The following ASCC3 variants were observed in gnomAD, a reference collection of about 807,000 sequenced individuals.
ASCC3 encodes ASC-1 complex subunit P200.
A neutral mutation model predicts 256.3 loss-of-function variants in ASCC3; 158 were observed. The ratio of observed to expected loss-of-function variants is 0.62; its 90% confidence interval spans 0.54 to 0.70. The LOEUF (loss-of-function observed/expected upper bound fraction) is 0.70. Ranked by LOEUF, ASCC3 falls within the 30% of genes least tolerant of loss-of-function variation. The pLI is 0.00. For synonymous variants in ASCC3, 948 were observed against 883.4 expected (o/e 1.07, Z -1.30); for missense variants, 2,259 against 2,626.0 (o/e 0.86, Z 3.05).
intron 10 of ASCC3, among the ~76,000 whole-genome samples, chr6:100,738,072 T>C (rs1028535454): frequency 3.3e-5 from 5 of 152,226 alleles, no homozygotes; most frequent in Non-Finnish European, 7.3e-5. Flanking sequence ...AATAAGGTTT[T>C]TTTTCTTGTA....
chr6:100,869,945 T>G (rs968386190), intron 1 of ASCC3, among the ~76,000 whole-genome samples: 3 of 152,008 alleles, frequency 2.0e-5, no homozygotes, highest in Admixed American at 1.3e-4. Flanking sequence ...AAGATAAAGC[T>G]CACTAAGAAG....
chr6:100,642,462 T>C, intron 24 of ASCC3, 119 bp downstream of exon 24: 1 of 1,020,794 alleles, frequency 9.8e-7, no homozygotes, highest in Non-Finnish European at 1.5e-6. Flanking sequence ...AAAAGGGAGT[T>C]ATAGAGAAGT....
chr6:100,725,454 A>G, intron 11 of ASCC3, 85 bp downstream of exon 11: 2 of 1,367,152 alleles, frequency 1.5e-6, no homozygotes, highest in Non-Finnish European at 2.1e-6. Flanking sequence ...GCTTTGTAAC[A>G]CAGGTCTACA....
At chr6:100,563,400 A>AT in intron 36 of ASCC3, among the ~76,000 whole-genome samples, 1 of 152,092 alleles carries the variant, frequency 6.6e-6, no homozygotes. Flanking sequence ...TAACTTGAAT[A>AT]TTTTTCCAAA....
At chr6:100,718,869 G>T (rs1779199830) in intron 11 of ASCC3, among the ~76,000 whole-genome samples, 1 of 152,064 alleles carries the variant, frequency 6.6e-6, no homozygotes, top group African/African-American at 2.4e-5. Context: ...CATATTATCT[G>T]ATTATGATGT....
intron 10 of ASCC3, among the ~76,000 whole-genome samples, chr6:100,729,555 T>C (rs1401237760): frequency 6.6e-6 from 1 of 152,198 alleles, no homozygotes; most frequent in Non-Finnish European, 1.5e-5. Context: ...AATATATATC[T>C]GGCTTAAGAC....
At chr6:100,801,031 CTAAAGCAAATAAAGCAAAAG>C (rs371844913) in intron 5 of ASCC3, among the ~76,000 whole-genome samples, 2,236 of 151,960 alleles carry the variant, frequency 0.015, 48 homozygotes, top group African/African-American at 0.052. Flanking sequence ...GAGACAATAA[CTAAAGCAAATAAAGCAAAAG>C]TATGGTCCAC....
chr6:100,619,890 T>C (rs1469487385), intron 30 of ASCC3, among the ~76,000 whole-genome samples: 4 of 152,106 alleles, frequency 2.6e-5, no homozygotes, highest in Admixed American at 6.6e-5. Context: ...AAGCAAGAGA[T>C]CTAGGACTAA....
chr6:100,698,121 T>C (rs532628500), intron 13 of ASCC3, among the ~76,000 whole-genome samples: 231 of 152,228 alleles, frequency 1.5e-3, no homozygotes, highest in African/African-American at 5.5e-3. Context: ...ACTTCAAAGA[T>C]AGGAGTATTA....
chr6:100,877,798 T>C (rs1378465102), intron 1 of ASCC3, among the ~76,000 whole-genome samples: 2 of 152,240 alleles, frequency 1.3e-5, no homozygotes, highest in African/African-American at 4.8e-5. Flanking sequence ...ACAAGAATCT[T>C]GCTCTTTTAG....
chr6:100,766,676 C>G lies in ASCC3; in HGVS notation c.1626G>C (p.Leu542Phe). The G allele has an allele frequency of 1.2e-6, 2 of 1,613,908 alleles. No individual in the cohort carries two copies. Among genetic ancestry groups the G allele is most frequent in the Non-Finnish European group, 1.7e-6 (2 of 1,179,926 alleles). Residue 542 changes from leucine (L) to phenylalanine (F), a missense_variant, in exon 10 of 42, where the codon TTG becomes TTC. Transcript: ENST00000369162. Reference sequence around the variant, plus strand: ...TGAAGTAATCTGTCATTTCAGCTGCCAAGGCTTTCATTGGAGCAACATATA... The same window carrying G: ...TGAAGTAATCTGTCATTTCAGCTGCGAAGGCTTTCATTGGAGCAACATATA... ...KIVYVAPMKA[L>F]AAEMTDYFSR...
chr6:100,676,598 C>A (rs1582678141), intron 14 of ASCC3, among the ~76,000 whole-genome samples: 1 of 152,174 alleles, frequency 6.6e-6, no homozygotes, highest in East Asian at 1.9e-4. Flanking sequence ...TAGTTTTTCC[C>A]TTGGGGGTGA....
At chr6:100,841,795 A>G (rs1314236256) in intron 4 of ASCC3, among the ~76,000 whole-genome samples, 4 of 152,294 alleles carry the variant, frequency 2.6e-5, no homozygotes, top group Admixed American at 6.5e-5. Context: ...CACATATAGG[A>G]CTGAATGGCA....
chr6:100,578,611 G>A (rs142685924), intron 36 of ASCC3, among the ~76,000 whole-genome samples: 1,744 of 151,836 alleles, frequency 0.011, 26 homozygotes, highest in African/African-American at 0.039. Context: ...TTTTTTTTAT[G>A]GCTGCATAGT....
chr6:100,575,092 C>A (rs891712057), intron 36 of ASCC3, among the ~76,000 whole-genome samples: 3 of 152,000 alleles, frequency 2.0e-5, no homozygotes, highest in African/African-American at 7.2e-5. Context: ...TAAAGAGTAG[C>A]AGATGGGATC....
chr6:100,820,945 G>A (rs905732875), intron 4 of ASCC3, among the ~76,000 whole-genome samples: 2 of 152,150 alleles, frequency 1.3e-5, no homozygotes, highest in African/African-American at 2.4e-5. Context: ...CACTAGAAAG[G>A]CTATAAAAAT....
intron 8 of ASCC3, among the ~76,000 whole-genome samples, chr6:100,790,284 A>G (rs1769291437): frequency 6.6e-6 from 1 of 151,974 alleles, no homozygotes; most frequent in South Asian, 2.1e-4. Context: ...TCGTGTCACA[A>G]AATGTGCAAA....
chr6:100,657,434 GAT>G (rs1161627375), intron 16 of ASCC3, among the ~76,000 whole-genome samples: 1 of 151,402 alleles, frequency 6.6e-6, no homozygotes, highest in Non-Finnish European at 1.5e-5. Context: ...CTAGTTTGGT[GAT>G]ATAGCTAAAA....
At chr6:100,510,324 C>A in intron 40 of ASCC3, 1 of 552,898 alleles carries the variant, frequency 1.8e-6, no homozygotes, top group East Asian at 3.0e-5. Flanking sequence ...ATTATAGACA[C>A]TAGTTCGTAG....
Sources: allele counts gnomAD v4.1 joint callset (sites outside exome capture counted in the v4.1 genomes callset), GRCh38; gene constraint gnomAD v4.1.1; transcripts MANE v1.5; gene names NCBI Gene and HGNC (gene_info 2026-07-23, HGNC 2026-07-21).